Variants in C5orf34 observed in about 807,000 individuals in gnomAD.
The protein encoded by C5orf34 is chromosome 5 open reading frame 34, also known as uncharacterized protein C5orf34.
In C5orf34, 73 loss-of-function variants were observed where a neutral mutation model predicts 78.4. The ratio of observed to expected loss-of-function variants is 0.93; its 90% confidence interval spans 0.77 to 1.13. The LOEUF is 1.13. C5orf34 is among the 50% of genes most tolerant of loss of function. The pLI is 0.00. For synonymous variants in C5orf34, 251 were observed against 246.6 expected (o/e 1.02, Z -0.17); for missense variants, 730 against 732.7 (o/e 1.00, Z 0.04).
At chr5:43,498,505 T>G (rs1745634942) in intron 6 of C5orf34, among the ~76,000 whole-genome samples, 1 of 152,168 alleles carries the variant, frequency 6.6e-6, no homozygotes, top group Non-Finnish European at 1.5e-5. Context: ...CAAAAAAATT[T>G]AGATTTGATA....
At position 43,492,197 on chromosome 5, in the gene C5orf34, A is replaced by T. The variant is rs760898520; in HGVS notation, c.1580+18T>A. 21 of 1,516,414 alleles carry T rather than the reference A, an allele frequency of 1.4e-5. No individual in the cohort carries two copies. The highest frequency in any genetic ancestry group is 1.9e-5 in the Non-Finnish European group (21 of 1,104,452). The allele number at this position is 1,516,414 out of a possible 1,614,324, so 93.9% of individuals were successfully genotyped here. A position where few individuals can be genotyped will look rare whatever the true frequency, so the allele number is the denominator to read the frequency against. Reference sequence around the variant, plus strand: ...AAAGTAAAACATAAAAATAATTTTTAAAATTGCTTTTCAGTACCTTTCATA... The same window carrying T: ...AAAGTAAAACATAAAAATAATTTTTTAAATTGCTTTTCAGTACCTTTCATA... On this transcript the variant is annotated intron_variant, in intron 10 of 12. Transcript: ENST00000306862.
intron 11 of C5orf34, among the ~76,000 whole-genome samples, chr5:43,488,906 G>T (rs1164824046): frequency 1.3e-5 from 2 of 152,072 alleles, no homozygotes; most frequent in African/African-American, 2.4e-5. Context: ...AGTAGGTTGT[G>T]TGACTTGTCT....
At chr5:43,489,292 G>A (rs1280631277) in intron 11 of C5orf34, among the ~76,000 whole-genome samples, 5 of 152,034 alleles carry the variant, frequency 3.3e-5, no homozygotes, top group Admixed American at 3.3e-4. Flanking sequence ...GCTTTTTATT[G>A]TACAATCTTG....
At chr5:43,491,859 C>T (rs1745295810) in intron 10 of C5orf34, among the ~76,000 whole-genome samples, 1 of 152,026 alleles carries the variant, frequency 6.6e-6, no homozygotes, top group Non-Finnish European at 1.5e-5. Flanking sequence ...CAAAAATTAG[C>T]CGGGCATGGT....
At chr5:43,487,346 G>T (rs909154485) in intron 12 of C5orf34, among the ~76,000 whole-genome samples, 4 of 152,060 alleles carry the variant, frequency 2.6e-5, no homozygotes, top group African/African-American at 9.7e-5. Flanking sequence ...TTGGGTGGAG[G>T]TTTGGTGGTA....
In C5orf34 at chr5:43,490,755, A is replaced by G. The variant is rs777301262; in HGVS notation, c.1581-26T>C. On this transcript the variant is annotated intron_variant, in intron 10 of 12. Coordinates refer to ENST00000306862, the MANE Select transcript of C5orf34 (RefSeq NM_198566.4). Reference sequence around the variant, plus strand: ...CTAAAGTGAATACATTAAAAGAAATACTTGAAAAATGAACTTGAATACATT... The same window carrying G: ...CTAAAGTGAATACATTAAAAGAAATGCTTGAAAAATGAACTTGAATACATT... 4 of 1,216,658 alleles carry G rather than the reference A, an allele frequency of 3.3e-6. No individual in the cohort carries two copies. In the African/African-American group the frequency reaches 6.0e-5, roughly 18 times the overall value. The allele number at this position is 1,216,658 out of a possible 1,614,324, so 75.4% of individuals were successfully genotyped here. A position where few individuals can be genotyped will look rare whatever the true frequency, so the allele number is the denominator to read the frequency against.
rs1745985691 is a variant in C5orf34 at position 43,506,331 on chromosome 5, A to G, written c.349T>C (p.Tyr117His). The change falls in exon 4 of 13, where the codon TAT (tyrosine) becomes CAT (histidine). Residue 117 changes from tyrosine (Y) to histidine (H), a missense_variant. Coordinates refer to ENST00000306862, the MANE Select transcript of C5orf34 (RefSeq NM_198566.4). Reference protein sequence around the residue: ...PSLDTDGTMIYMESGIVKITS... With the variant: ...PSLDTDGTMIHMESGIVKITS... ...ATCTTCACAATGCCACTCTCCATAT[A>G]TATCATGGTACCATCTGTATCAAGA... The G allele has an allele frequency of 3.1e-6, 5 of 1,613,960 alleles. No individual in the cohort carries two copies. The highest frequency in any genetic ancestry group is 4.2e-6 in the Non-Finnish European group (5 of 1,179,984).
chr5:43,494,106 C>G (rs948181424), intron 7 of C5orf34, among the ~76,000 whole-genome samples: 54 of 152,106 alleles, frequency 3.6e-4, no homozygotes, highest in African/African-American at 1.3e-3. Context: ...ACCAAAGAAC[C>G]AATCTATGCT....
At chr5:43,491,694 C>G (rs1745285668) in intron 10 of C5orf34, among the ~76,000 whole-genome samples, 1 of 152,110 alleles carries the variant, frequency 6.6e-6, no homozygotes, top group African/African-American at 2.4e-5. Context: ...TACTTGAATA[C>G]AAATGAAATG....
intron 6 of C5orf34, chr5:43,495,572 T>C (rs1745475470): frequency 1.2e-6 from 2 of 1,612,532 alleles, no homozygotes; most frequent in Non-Finnish European, 1.7e-6. Context: ...CAAAGCTTCA[T>C]GGTGCATTTC....
Position 43,490,629 on chromosome 5 carries a change from A to C in C5orf34, c.1679+2T>G. On this transcript the variant is annotated splice_donor_variant, in intron 11 of 12. Coordinates refer to ENST00000306862, the MANE Select transcript of C5orf34 (RefSeq NM_198566.4). LOFTEE classifies it high-confidence loss of function. ...ACAGATTTAAGTTTAAAAGAAAAAT[A>C]CCAATTTTCTTGGAGAACAGAAGAT... 1 of 1,578,638 alleles carries C rather than the reference A, an allele frequency of 6.3e-7. No homozygotes were observed. Among genetic ancestry groups the C allele is most frequent in the Non-Finnish European group, 8.7e-7 (1 of 1,148,240 alleles).
At chr5:43,487,449 T>C (rs902600017) in intron 12 of C5orf34, among the ~76,000 whole-genome samples, 1 of 152,130 alleles carries the variant, frequency 6.6e-6, no homozygotes, top group Non-Finnish European at 1.5e-5. Context: ...GGAATCTGTG[T>C]AGTGTCTATT....
chr5:43,508,805 T>A (rs937038516), intron 2 of C5orf34, 139 bp from the exon 3 acceptor site: 1 of 660,372 alleles, frequency 1.5e-6, no homozygotes, highest in Non-Finnish European at 2.6e-6. Flanking sequence ...ATTCAAAGAG[T>A]AGTTTTGGCC....
In C5orf34 at chr5:43,502,449, CATCCCCAGAATAA is replaced by C; in HGVS notation, c.1062_1074del (p.Ile354MetfsTer35). On this transcript the variant is annotated frameshift_variant, in exon 6 of 13. Coordinates refer to ENST00000306862, the MANE Select transcript of C5orf34 (RefSeq NM_198566.4). LOFTEE classifies it high-confidence loss of function. ...GCCCCTTCTGATTTGAAAACAGATCCATCCCCAGAATAAATCTCTATTGAGTTCATATTTTGAT... is the reference window on the plus strand; with the variant it reads ...GCCCCTTCTGATTTGAAAACAGATCCATCTCTATTGAGTTCATATTTTGAT... 3 of 1,579,460 alleles carry C rather than the reference CATCCCCAGAATAA, an allele frequency of 1.9e-6. No individual in the cohort carries two copies. Among genetic ancestry groups the C allele is most frequent in the Non-Finnish European group, 2.6e-6 (3 of 1,149,500 alleles).
At chr5:43,510,578 TTGCAGGCGCG>T (rs1485554281) in intron 1 of C5orf34, among the ~76,000 whole-genome samples, 1 of 152,242 alleles carries the variant, frequency 6.6e-6, no homozygotes, top group Non-Finnish European at 1.5e-5. Flanking sequence ...GTGCCTGTGA[TTGCAGGCGCG>T]CGCTGCCACG....
At position 43,506,374 on chromosome 5, in the gene C5orf34, T is replaced by C. The variant is rs1235543727; in HGVS notation, c.306A>G (p.Thr102=). 1.2e-6 allele frequency: 2 copies of C among 1,605,838 alleles called. No homozygotes were observed. Among genetic ancestry groups the C allele is most frequent in the Non-Finnish European group, 1.7e-6 (2 of 1,175,478 alleles). ...TATCAAGACTGGGCCATCTCACTTC[T>C]GTTATGTCAATGAAGATATGCTGCA... ...ERKKHIFIDI[T]EVRWPSLDTD... The change falls in exon 4 of 13, where the codon ACA becomes ACG. Residue 102 remains threonine (T), a synonymous_variant. Coordinates refer to ENST00000306862, the MANE Select transcript of C5orf34 (RefSeq NM_198566.4).
At chr5:43,496,335 T>C (rs1745519370) in intron 6 of C5orf34, 2 of 1,589,020 alleles carry the variant, frequency 1.3e-6, no homozygotes, top group South Asian at 2.2e-5. Context: ...TCTCAAATTT[T>C]TCAATGGTTC....
Position 43,511,463 on chromosome 5 carries a change from C to G in C5orf34, c.-36-2088G>C, listed in dbSNP as rs11959811. On this transcript the variant is annotated intron_variant, in intron 1 of 12. Coordinates refer to ENST00000306862, the MANE Select transcript of C5orf34 (RefSeq NM_198566.4). ...CCCAACCGGGAGGTGGGGGGCGCCT[C>G]TGCCTGGCCGCCCCTTCTGGGAAGT... Among the ~76,000 whole-genome samples, 58 of 150,978 alleles carry G rather than the reference C, an allele frequency of 3.8e-4. 2 individuals carry two copies. The highest frequency in any genetic ancestry group is 1.3e-3 in the African/African-American group (52 of 41,144).
In C5orf34 at chr5:43,508,691, A is replaced by C. The variant is rs552654781; in HGVS notation, c.196-25T>G. ...CCTATGAAAAGAAATATAAAATGTA[A>C]CCTTAATGTAAAATGATTTGAAAAT... On this transcript the variant is annotated intron_variant, in intron 2 of 12. Transcript: ENST00000306862. 1.2e-4 allele frequency: 154 copies of C among 1,290,842 alleles called. 1 individual carries two copies. The East Asian group carries it at 3.4e-3, about 28-fold the overall frequency. The allele number at this position is 1,290,842 out of a possible 1,614,324, so 80.0% of individuals were successfully genotyped here.
Sources: gnomAD v4.1 joint callset for allele counts (sites outside exome capture counted in the v4.1 genomes callset) on GRCh38, gnomAD v4.1.1 for gene constraint, MANE v1.5 for transcripts, NCBI Gene and HGNC (gene_info 2026-07-23, HGNC 2026-07-21) for gene names.